CHRNB4: variants seen among roughly 807,000 people sequenced by gnomAD.
CHRNB4 encodes the protein neuronal acetylcholine receptor subunit beta-4.
Under a neutral mutation model 40.4 loss-of-function variants are expected in CHRNB4, and 23 were observed. The ratio of observed to expected loss-of-function variants is 0.57; its 90% CI spans 0.41 to 0.81. The LOEUF (loss-of-function observed/expected upper bound fraction) is 0.81, where lower values mean the gene tolerates loss of function less well. Ranked by LOEUF, CHRNB4 falls within the 30% of genes least tolerant of loss-of-function variation. The pLI is 0.00. For missense variants in CHRNB4, 568 were observed against 670.6 expected, an observed-to-expected ratio of 0.85 and a Z score of 1.69; for synonymous variants, 285 against 274.4, an observed-to-expected ratio of 1.04 and a Z score of -0.38.
At chr15:78,635,617 G>C in intron 1 of CHRNB4, 30 bp from the exon 2 acceptor site, 1 of 1,612,284 alleles carries the variant, frequency 6.2e-7, no homozygotes, top group South Asian at 1.1e-5. Flanking sequence ...GACCTGCTGG[G>C]CCCTTGTGCA....
chr15:78,635,561 C>T lies in CHRNB4; in HGVS notation c.82G>A (p.Glu28Lys). 1 of 1,614,172 alleles carries T rather than the reference C, an allele frequency of 6.2e-7. No individual in the cohort carries two copies. Among genetic ancestry groups the T allele is most frequent in the Admixed American group, 1.7e-5 (1 of 60,022 alleles). Residue 28 changes from glutamate to lysine, a missense_variant, in exon 2 of 6, where the codon GAA (glutamate) becomes AAA (lysine). Transcript: ENST00000261751. ...RGNCRVANAE[E>K]KLMDDLLNKT... ...TTCAGAAGGTCGTCCATCAGCTTTT[C>T]CTCCGCATTGGCCACGCGGCAGTTC...
chr15:78,642,861 GAC>G (rs2054093064), upstream of CHRNB4, among the ~76,000 whole-genome samples: 1 of 152,192 alleles, frequency 6.6e-6, no homozygotes, highest in South Asian at 2.1e-4. Context: ...GTCACAGAGA[GAC>G]AGCACAGAGC....
intron 5 of CHRNB4, among the ~76,000 whole-genome samples, chr15:78,628,593 G>C (rs12593950): frequency 0.28 from 43,206 of 151,942 alleles, 6,834 homozygotes; most frequent in East Asian, 0.47. Context: ...CCACGGGTCT[G>C]CAAGGGTACT....
intron 1 of CHRNB4, among the ~76,000 whole-genome samples, chr15:78,637,187 A>T (rs575637543): frequency 1.3e-5 from 2 of 152,256 alleles, no homozygotes; most frequent in Admixed American, 1.3e-4. Context: ...CTGACCTTCC[A>T]TAGCCTCAAA....
chr15:78,633,924 G>A (rs972545040), intron 2 of CHRNB4, among the ~76,000 whole-genome samples: 1 of 142,656 alleles, frequency 7.0e-6, no homozygotes, highest in African/African-American at 2.5e-5. Context: ...AGGGGGGCTG[G>A]AGAGGTGGGG....
chr15:78,648,753 C>CAAAA (rs35846146), intron 7 of CHRNB4, among the ~76,000 whole-genome samples: 3 of 79,980 alleles, frequency 3.8e-5, no homozygotes, highest in African/African-American at 7.8e-5. Flanking sequence ...GACTCTGTCT[C>CAAAA]AAAAAAAAAA....
At chr15:78,641,852 G>C (rs1257322809), upstream of CHRNB4, among the ~76,000 whole-genome samples, 1 of 152,192 alleles carries the variant, frequency 6.6e-6, no homozygotes. Flanking sequence ...GGTGATTCAA[G>C]CACATCCCTC....
intron 5 of CHRNB4, chr15:78,628,257 C>A (rs1567110367): frequency 6.6e-6 from 1 of 152,250 alleles, no homozygotes; most frequent in Non-Finnish European, 1.5e-5. Context: ...TACTGATGTT[C>A]CTATAGCCCT....
At chr15:78,641,378 T>A (rs868037846), upstream of CHRNB4, 3 of 447,892 alleles carry the variant, frequency 6.7e-6, no homozygotes, top group African/African-American at 6.3e-5. Flanking sequence ...TCCCTATCTC[T>A]TCGGGCCTCG....
rs181471155 is a variant in CHRNB4 at position 78,624,671 on chromosome 15, C to T, written c.*462G>A. On this transcript the variant is annotated 3_prime_UTR_variant, in exon 6 of 6. Transcript: ENST00000261751. ...GGCAGGAGAATCACTTGAGCCTGGG[C>T]GATATAGCAAGACTCCGTTTAAAAG... is the stretch of plus-strand genomic sequence containing the variant. 216 of 288,566 alleles carry T rather than the reference C, an allele frequency of 7.5e-4. 3 individuals are homozygous for T. The highest frequency in any genetic ancestry group is 5.7e-3 in the South Asian group (37 of 6,444). 17.9% of individuals were successfully genotyped at this position (288,566 alleles called of 1,614,324 possible). A position where few individuals can be genotyped will look rare whatever the true frequency, so the allele number is the denominator to read the frequency against.
intron 5 of CHRNB4, among the ~76,000 whole-genome samples, chr15:78,653,350 A>T (rs1035209765): frequency 7.2e-5 from 11 of 152,126 alleles, no homozygotes; most frequent in African/African-American, 2.7e-4. Flanking sequence ...TGCTAATCAG[A>T]AGCATCTGGG....
chr15:78,635,553 C>T lies in CHRNB4; in HGVS notation c.90G>A (p.Leu30=), dbSNP rs754975583. The change falls in exon 2 of 6, where the codon CTG becomes CTA. Residue 30 remains leucine, a synonymous_variant. Coordinates refer to ENST00000261751, the MANE Select transcript of CHRNB4 (RefSeq NM_000750.5). ...NCRVANAEEK[L]MDDLLNKTRY... is the part of the protein sequence containing the mutation. ...GGGTTTTGTTCAGAAGGTCGTCCAT[C>T]AGCTTTTCCTCCGCATTGGCCACGC... 5.3e-5 allele frequency: 85 copies of T among 1,614,060 alleles called. No individual in the cohort carries two copies. The highest frequency in any genetic ancestry group is 4.9e-4 in the Middle Eastern group (3 of 6,082).
chr15:78,661,283 G>T, upstream of CHRNB4: 1 of 600,004 alleles, frequency 1.7e-6, no homozygotes. Context: ...GGATGCGGCG[G>T]CAGCCCGGCT....
Position 78,629,514 on chromosome 15 carries a change from ATCT to A in CHRNB4, c.788_790del (p.Lys263del), listed in dbSNP as rs2053746885. On this transcript the variant is annotated inframe_deletion, in exon 5 of 6. Transcript: ENST00000261751. The surrounding 1 kb of genome is among the most constrained non-coding windows in gnomAD (Gnocchi z 6.8). ...CAGCAGCACTGAGATGCACAGTGTC[ATCT>A]TCTCGCCGCAGTCGGATGGCAGGTA... The A allele has an allele frequency of 4.3e-6, 7 of 1,614,194 alleles. No homozygotes were observed. Among genetic ancestry groups the A allele is most frequent in the Non-Finnish European group, 5.9e-6 (7 of 1,180,032 alleles).
At chr15:78,636,321 C>T (rs2053949311) in intron 1 of CHRNB4, among the ~76,000 whole-genome samples, 2 of 152,128 alleles carry the variant, frequency 1.3e-5, no homozygotes, top group Admixed American at 1.3e-4. Context: ...CACCCGCAGT[C>T]TCTCCCTGCT....
At position 78,653,665 on chromosome 15, in the gene CHRNB4, G is replaced by A. The variant is rs145990613; in HGVS notation, c.-109-994C>T. On this transcript the variant is annotated intron_variant and NMD_transcript_variant, in intron 5 of 11. Coordinates refer to the CHRNB4 transcript ENST00000559849. ...GCTTTACCTCAGCTTTTGAGGTAGAGGCCACACTTTTCCTGGCAAGCCCCC... is the reference window on the plus strand; with the variant it reads ...GCTTTACCTCAGCTTTTGAGGTAGAAGCCACACTTTTCCTGGCAAGCCCCC... 2.2e-4 allele frequency among the ~76,000 whole-genome samples: 34 copies of A among 152,316 alleles called. No individual in the cohort carries two copies. In the East Asian group the frequency reaches 6.6e-3, roughly 29 times the overall value.
At chr15:78,649,522 A>G (rs931164821) in intron 6 of CHRNB4, 5 of 380,810 alleles carry the variant, frequency 1.3e-5, no homozygotes, top group African/African-American at 6.4e-5. Context: ...ACTGCAACAG[A>G]GACCATATGT....
chr15:78,651,243 T>TAAAACA (rs760806206), intron 6 of CHRNB4, among the ~76,000 whole-genome samples: 2 of 151,952 alleles, frequency 1.3e-5, no homozygotes, highest in Admixed American at 6.6e-5. Context: ...GGTTCATGGA[T>TAAAACA]AAAACAAAAA....
At chr15:78,643,055 G>A (rs1192724873), upstream of CHRNB4, among the ~76,000 whole-genome samples, 1 of 152,136 alleles carries the variant, frequency 6.6e-6, no homozygotes, top group Non-Finnish European at 1.5e-5. Flanking sequence ...TTCATGTAAA[G>A]TAACTTAACA....
Sources: allele counts gnomAD v4.1 joint callset (sites outside exome capture counted in the v4.1 genomes callset), GRCh38; gene constraint gnomAD v4.1.1; non-coding constraint Gnocchi (gnomAD v3.1); transcripts MANE v1.5; gene names NCBI Gene and HGNC (gene_info 2026-07-23, HGNC 2026-07-21).